Variants in NELL2 observed in about 807,000 individuals in gnomAD.
The protein encoded by NELL2 is neural EGFL like 2.
A neutral mutation model predicts 109.6 loss-of-function variants in NELL2; 41 were observed. The observed-to-expected ratio is 0.37, with a 90% CI of 0.29 to 0.49. The LOEUF (loss-of-function observed/expected upper bound fraction) is 0.49, where lower values mean the gene tolerates loss of function less well. NELL2 is among the 20% of genes least tolerant of loss of function. NELL2 has a pLI of 0.98. For missense variants in NELL2, 900 were observed against 1,008.3 expected (o/e 0.89, Z 1.45); for synonymous variants, 355 against 344.7 (o/e 1.03, Z -0.33).
At chr12:44,627,984 A>C (rs1019100862) in intron 13 of NELL2, among the ~76,000 whole-genome samples, 3 of 152,224 alleles carry the variant, frequency 2.0e-5, no homozygotes, top group African/African-American at 7.2e-5. Flanking sequence ...TATTGGATTC[A>C]CATGTTCTAA....
At chr12:44,715,152 G>A (rs186774916) in intron 9 of NELL2, among the ~76,000 whole-genome samples, 162 of 151,490 alleles carry the variant, frequency 1.1e-3, no homozygotes, top group African/African-American at 3.8e-3. Context: ...TACCATTACA[G>A]AATTTTAAAA....
intron 3 of NELL2, among the ~76,000 whole-genome samples, chr12:44,794,580 T>C (rs1942552447): frequency 6.6e-6 from 1 of 152,146 alleles, no homozygotes; most frequent in South Asian, 2.1e-4. Context: ...TTCTCGTTAT[T>C]TCCTAGCTCT....
intron 15 of NELL2, among the ~76,000 whole-genome samples, chr12:44,541,368 G>C: frequency 6.6e-6 from 1 of 151,460 alleles, no homozygotes; most frequent in Non-Finnish European, 1.5e-5. Flanking sequence ...TATAAAATAG[G>C]GCCACAGTGA....
intron 1 of NELL2, among the ~76,000 whole-genome samples, chr12:44,882,016 C>T (rs968725041): frequency 2.6e-5 from 4 of 151,808 alleles, no homozygotes; most frequent in Admixed American, 2.6e-4. Context: ...TCCCAGAATT[C>T]TCTATCTGTT....
chr12:44,816,531 C>T (rs1163279629), intron 2 of NELL2, among the ~76,000 whole-genome samples: 2 of 152,194 alleles, frequency 1.3e-5, no homozygotes, highest in Admixed American at 1.3e-4. Flanking sequence ...AACAACCACA[C>T]TAGAACTATT....
chr12:44,847,885 A>G (rs541367074), intron 2 of NELL2, among the ~76,000 whole-genome samples: 2 of 152,020 alleles, frequency 1.3e-5, no homozygotes, highest in South Asian at 4.2e-4. Flanking sequence ...CACAAAAATT[A>G]GCTGGGTGTG....
intron 9 of NELL2, among the ~76,000 whole-genome samples, chr12:44,744,080 T>C (rs998740555): frequency 1.3e-4 from 20 of 151,976 alleles, no homozygotes; most frequent in African/African-American, 4.8e-4. Flanking sequence ...TGTAAAGGAA[T>C]AGAAATTATA....
intron 9 of NELL2, among the ~76,000 whole-genome samples, chr12:44,769,659 T>C (rs981460325): frequency 1.3e-5 from 2 of 152,114 alleles, no homozygotes; most frequent in African/African-American, 4.8e-5. Flanking sequence ...AAGAAACATG[T>C]AAAGAATTAT....
At chr12:44,873,346 G>T (rs1032158047) in intron 2 of NELL2, among the ~76,000 whole-genome samples, 9 of 152,056 alleles carry the variant, frequency 5.9e-5, no homozygotes, top group East Asian at 1.9e-4. Flanking sequence ...CATTTTATAT[G>T]CCTTATGTAT....
chr12:44,743,372 G>A (rs1045681088), intron 9 of NELL2, among the ~76,000 whole-genome samples: 3 of 152,110 alleles, frequency 2.0e-5, no homozygotes, highest in South Asian at 2.1e-4. Context: ...GACCATCGAG[G>A]CTAGGAAGAA....
intron 15 of NELL2, among the ~76,000 whole-genome samples, chr12:44,577,815 A>G (rs769792384): frequency 5.9e-5 from 9 of 152,112 alleles, no homozygotes; most frequent in Non-Finnish European, 1.3e-4. Context: ...CAACGGAACT[A>G]GCAGACCTTG....
chr12:44,544,385 A>G lies in NELL2; in HGVS notation c.1664-11664T>C, dbSNP rs77256329. On this transcript the variant is annotated intron_variant, in intron 15 of 19. Coordinates refer to ENST00000429094, the MANE Select transcript of NELL2 (RefSeq NM_001145108.2). ...AGCTTATCTCAACTAAGGTTTCAGA[A>G]GAGAATTAAACCCTAACACACCCTC... 2.9e-3 allele frequency among the ~76,000 whole-genome samples: 449 copies of G among 152,270 alleles called. 5 individuals carry two copies. Among genetic ancestry groups the G allele is most frequent in the East Asian group, 0.021 (108 of 5,180 alleles).
intron 13 of NELL2, among the ~76,000 whole-genome samples, chr12:44,653,419 C>T (rs1391170500): frequency 6.6e-6 from 1 of 152,062 alleles, no homozygotes; most frequent in Non-Finnish European, 1.5e-5. Flanking sequence ...CAAAATGATC[C>T]TGGAGAAAAG....
At chr12:44,759,799 C>T (rs1941045967) in intron 9 of NELL2, among the ~76,000 whole-genome samples, 1 of 152,190 alleles carries the variant, frequency 6.6e-6, no homozygotes, top group Non-Finnish European at 1.5e-5. Context: ...CTCTGAAGTC[C>T]TCCCATTTAG....
chr12:44,877,278 T>C (rs1945354606), upstream of NELL2, among the ~76,000 whole-genome samples: 1 of 152,190 alleles, frequency 6.6e-6, no homozygotes, highest in African/African-American at 2.4e-5. Flanking sequence ...CTTCACCACA[T>C]ATGTCCGGGA....
chr12:44,780,744 C>T (rs536898223), intron 3 of NELL2, among the ~76,000 whole-genome samples: 1 of 152,118 alleles, frequency 6.6e-6, no homozygotes, highest in African/African-American at 2.4e-5. Context: ...AGTAATGAAA[C>T]CACCCCGCCA....
intron 9 of NELL2, among the ~76,000 whole-genome samples, chr12:44,765,109 G>A (rs1257938366): frequency 1.3e-5 from 2 of 152,140 alleles, no homozygotes; most frequent in Non-Finnish European, 2.9e-5. Flanking sequence ...CCTGTATACA[G>A]ACCTTACAGC....
At chr12:44,543,037 G>A (rs1172711392) in intron 15 of NELL2, among the ~76,000 whole-genome samples, 1 of 152,096 alleles carries the variant, frequency 6.6e-6, no homozygotes, top group Non-Finnish European at 1.5e-5. Context: ...CCAGTTTGTG[G>A]TTTTGTGGTA....
chr12:44,595,593 A>ATTTTTTTTTTTTTTTTTT (rs57566164), intron 15 of NELL2, among the ~76,000 whole-genome samples: 1 of 121,328 alleles, frequency 8.2e-6, no homozygotes, highest in Non-Finnish European at 1.7e-5. Context: ...CACCCAGCTA[A>ATTTTTTTTTTTTTTTTTT]TTTTTTTTTT....
Sources: gnomAD v4.1 joint callset for allele counts (sites outside exome capture counted in the v4.1 genomes callset) on GRCh38, gnomAD v4.1.1 for gene constraint, MANE v1.5 for transcripts, NCBI Gene and HGNC (gene_info 2026-07-23, HGNC 2026-07-21) for gene names.